KMT2A: variants seen among roughly 807,000 people sequenced by gnomAD.
KMT2A encodes the protein lysine methyltransferase 2A.
Under a neutral mutation model 345.3 loss-of-function variants are expected in KMT2A, and 16 were observed. The observed-to-expected ratio is 0.05, with a 90% CI of 0.03 to 0.07. The LOEUF is 0.07. Ranked by LOEUF, KMT2A falls within the 10% of genes least tolerant of loss-of-function variation. KMT2A has a pLI of 1.00. For missense variants in KMT2A, 3,272 were observed against 4,841.6 expected (o/e 0.68, Z 9.62); for synonymous variants, 1,599 against 1,778.6 (o/e 0.90, Z 2.54).
Position 118,525,558 on chromosome 11 carries a change from G to A in KMT2A, c.*3386G>A, listed in dbSNP as rs781944045. The A allele has an allele frequency of 2.3e-5, 5 of 221,650 alleles. No individual in the cohort carries two copies. Among genetic ancestry groups the A allele is most frequent in the Non-Finnish European group, 2.7e-5 (3 of 111,720 alleles). The allele number at this position is 221,650 out of a possible 1,614,324, so 13.7% of individuals were successfully genotyped here. On this transcript the variant is annotated 3_prime_UTR_variant, in exon 36 of 36. Transcript: ENST00000534358. ...CCCTGCTCGCCTCCGTCAAACCCCC[G>A]GCCAATGCAGTGAGCACCATGTAGC...
rs1245434285 is a variant in KMT2A, at chr11:118,481,723, AAGAAAG to A, written c.3649_3654del (p.Glu1217_Lys1218del). On this transcript the variant is annotated inframe_deletion, in exon 7 of 36. Coordinates refer to ENST00000534358, the MANE Select transcript of KMT2A (RefSeq NM_001197104.2). ...TTGTGTTTTTCCCTCAGCTGTGAAA[AAGAAAG>A]AGAAAAAGTCTAAGACCAGTGAAAA... The A allele has an allele frequency of 9.3e-6, 15 of 1,607,236 alleles. No homozygotes were observed. The highest frequency in any genetic ancestry group is 1.2e-5 in the Non-Finnish European group (14 of 1,177,636).
rs192081955 is a variant in KMT2A at position 118,488,862 on chromosome 11, G to T, written c.4479+102G>T. ...GGATTGAATGTATCTGGGAAAAAAT[G>T]AGTAGTTGCCTCTGTACTCTATGTG... On this transcript the variant is annotated intron_variant, in intron 11 of 35. Transcript: ENST00000534358. 5 of 1,026,762 alleles carry T rather than the reference G, an allele frequency of 4.9e-6. No homozygotes were observed. In the African/African-American group the frequency reaches 6.4e-5, roughly 13 times the overall value. 63.6% of individuals were successfully genotyped at this position (1,026,762 alleles called of 1,614,324 possible). A position where few individuals can be genotyped will look rare whatever the true frequency, so the allele number is the denominator to read the frequency against.
intron 2 of KMT2A, 142 bp downstream of exon 2, chr11:118,468,986 A>G: frequency 2.0e-6 from 1 of 489,282 alleles, no homozygotes; most frequent in East Asian, 3.4e-5. Context: ...CTTTTTATTT[A>G]TTTATTTATT....
Position 118,521,500 on chromosome 11 carries a change from T to C in KMT2A, c.11643+83T>C. 1 of 1,476,732 alleles carries C rather than the reference T, an allele frequency of 6.8e-7. No homozygotes were observed. The highest frequency in any genetic ancestry group is 9.2e-7 in the Non-Finnish European group (1 of 1,081,972). 91.5% of individuals were successfully genotyped at this position (1,476,732 alleles called of 1,614,324 possible). On this transcript the variant is annotated intron_variant, in intron 35 of 35. Transcript: ENST00000534358. This position sits in a 1 kb window ranked among gnomAD's most constrained non-coding sequence, Gnocchi z 5.3. ...TATGACCCCTGGATCACAAAAGAAATAGTGTATGTTATCAATTCAGAGACC... is the reference window on the plus strand; with the variant it reads ...TATGACCCCTGGATCACAAAAGAAACAGTGTATGTTATCAATTCAGAGACC...
rs78558747 is a variant in KMT2A at position 118,494,077 on chromosome 11, A to G, written c.5179-211A>G. Among the ~76,000 whole-genome samples, 195 of 152,314 alleles carry G rather than the reference A, an allele frequency of 1.3e-3. No individual in the cohort carries two copies. Among genetic ancestry groups the G allele is most frequent in the Middle Eastern group, 3.4e-3 (1 of 294 alleles). On this transcript the variant is annotated intron_variant, in intron 16 of 35. Transcript: ENST00000534358. The surrounding 1 kb of genome is among the most constrained non-coding windows in gnomAD (Gnocchi z 5.8). ...ATCATGATACAGCCAATTTGTTTGCATTCTTACCTCATTAGCCTGGCATCT... is the reference window on the plus strand; with the variant it reads ...ATCATGATACAGCCAATTTGTTTGCGTTCTTACCTCATTAGCCTGGCATCT...
rs149351885 is a variant in KMT2A at position 118,501,710 on chromosome 11, A to C, written c.6358A>C (p.Ile2120Leu). ...AGAGAGTCAAAACACAGCTGAAATT[A>C]TAAGTCCTCCATCACCAGACCGACC... ...SKESQNTAEI[I>L]SPPSPDRPPH... The change falls in exon 26 of 36, where the codon ATA becomes CTA. Residue 2120 changes from isoleucine to leucine, a missense_variant. Ile to Leu is a conservative substitution (Grantham distance 5). This residue lies in a region of KMT2A where 66 missense variants were observed against 73.9 expected (regional missense o/e 0.89). Transcript: ENST00000534358. The C allele has an allele frequency of 6.2e-7, 1 of 1,613,842 alleles. No individual in the cohort carries two copies. The highest frequency in any genetic ancestry group is 1.3e-5 in the African/African-American group (1 of 74,902).
In KMT2A at chr11:118,451,447, G is replaced by A. The variant is rs1357508228; in HGVS notation, c.432+14503G>A. On this transcript the variant is annotated intron_variant, in intron 1 of 35. Transcript: ENST00000534358. The stretch of plus-strand genomic sequence containing the variant: ...CTGTCACCCAGGCTGGAGTGCAGTG[G>A]CGCAATTTCGGCTCATTGCAACCTC... Among the ~76,000 whole-genome samples the A allele has an allele frequency of 5.9e-5, 9 of 152,160 alleles. No homozygotes were observed. In the South Asian group the frequency reaches 1.9e-3, roughly 32 times the overall value.
At position 118,505,382 on chromosome 11, in the gene KMT2A, C is replaced by T; in HGVS notation, c.9490C>T (p.His3164Tyr). 1.9e-6 allele frequency: 3 copies of T among 1,614,186 alleles called. No individual in the cohort carries two copies. Among genetic ancestry groups the T allele is most frequent in the Non-Finnish European group, 2.5e-6 (3 of 1,180,030 alleles). ...KGLLPMSHHQHLHSFPAATQS... is the reference protein window; with the variant it reads ...KGLLPMSHHQYLHSFPAATQS... The stretch of plus-strand genomic sequence containing the variant: ...ATTGCTACCCATGTCTCATCACCAG[C>T]ACTTACATTCCTTCCCTGCAGCTAC... Residue 3164 changes from histidine (H) to tyrosine (Y), a missense_variant, in exon 27 of 36, where the codon CAC becomes TAC. His to Tyr is a moderately conservative substitution (Grantham distance 83). Around this residue, in one of 27 missense-constraint regions of KMT2A, gnomAD observed 748 missense variants for 922.2 expected, o/e 0.81. Coordinates refer to ENST00000534358, the MANE Select transcript of KMT2A (RefSeq NM_001197104.2). The surrounding 1 kb of genome is among the most constrained non-coding windows in gnomAD (Gnocchi z 4.6).
rs1304426857 is a variant in KMT2A at position 118,484,360 on chromosome 11, TTAAA to T, written c.4218+51_4218+54del. On this transcript the variant is annotated intron_variant, in intron 9 of 35. Transcript: ENST00000534358. The surrounding 1 kb of genome is among the most constrained non-coding windows in gnomAD (Gnocchi z 4.1). ...TAAAGTATATTGAGTGTCAAAGACT[TTAAA>T]TAAAGAAAATGCTACTACCAAAGGT... 2.5e-6 allele frequency: 4 copies of T among 1,593,552 alleles called. No individual in the cohort carries two copies. The highest frequency in any genetic ancestry group is 1.7e-5 in the Admixed American group (1 of 57,342).
At chr11:118,513,653 A>G (rs1950737621) in intron 31 of KMT2A, among the ~76,000 whole-genome samples, 1 of 152,100 alleles carries the variant, frequency 6.6e-6, no homozygotes, top group African/African-American at 2.4e-5. Flanking sequence ...ATGAAAGGGT[A>G]CTCAATCTCA....
At position 118,442,460 on chromosome 11, in the gene KMT2A, A is replaced by T. The variant is rs537090552; in HGVS notation, c.432+5516A>T. Among the ~76,000 whole-genome samples the T allele has an allele frequency of 2.6e-5, 4 of 152,300 alleles. No homozygotes were observed. The South Asian group carries it at 8.3e-4, about 32-fold the overall frequency. On this transcript the variant is annotated intron_variant, in intron 1 of 35. Transcript: ENST00000534358. ...TCACTGTTACAAAGTATTTCCTTGGATCTTATCTAGACTGGTTTATGAAAC... is the reference window on the plus strand; with the variant it reads ...TCACTGTTACAAAGTATTTCCTTGGTTCTTATCTAGACTGGTTTATGAAAC...
intron 1 of KMT2A, among the ~76,000 whole-genome samples, chr11:118,467,247 A>T (rs971809204): frequency 4.3e-4 from 66 of 151,894 alleles, no homozygotes; most frequent in Admixed American, 1.0e-3. Flanking sequence ...CATGGTGACA[A>T]GGGCCTCTAG....
chr11:118,499,067 T>C (rs1950456662), intron 22 of KMT2A, among the ~76,000 whole-genome samples: 1 of 152,238 alleles, frequency 6.6e-6, no homozygotes, highest in Non-Finnish European at 1.5e-5. Context: ...CTTTTTGAAT[T>C]ATTTCGAAAT....
chr11:118,488,667 G>A lies in KMT2A; in HGVS notation c.4386G>A (p.Glu1462=). Residue 1462 remains glutamate, a synonymous_variant, in exon 11 of 36, where the codon GAG becomes GAA. Transcript: ENST00000534358. The part of the protein sequence containing the change: ...CEPFHKFCLE[E]NERPLEDQLE... ...CCTTCCACAAGTTTTGTTTAGAGGAGAACGAGCGCCCTCTGGAGGACCAGC... is the reference window on the plus strand; with the variant it reads ...CCTTCCACAAGTTTTGTTTAGAGGAAAACGAGCGCCCTCTGGAGGACCAGC... 1 of 1,614,178 alleles carries A rather than the reference G, an allele frequency of 6.2e-7. No homozygotes were observed. The highest frequency in any genetic ancestry group is 8.5e-7 in the Non-Finnish European group (1 of 1,180,020).
intron 1 of KMT2A, among the ~76,000 whole-genome samples, chr11:118,447,124 A>G (rs1207085359): frequency 6.6e-6 from 1 of 152,200 alleles, no homozygotes; most frequent in Non-Finnish European, 1.5e-5. Context: ...TTGTACTGCT[A>G]GTTGAAACTG....
At position 118,490,901 on chromosome 11, in the gene KMT2A, C is replaced by T. The variant is rs1413388642; in HGVS notation, c.4697-295C>T. On this transcript the variant is annotated intron_variant, in intron 13 of 35. Coordinates refer to ENST00000534358, the MANE Select transcript of KMT2A (RefSeq NM_001197104.2). This position sits in a 1 kb window ranked among gnomAD's most constrained non-coding sequence, Gnocchi z 4.2. ...TTTCTTACAAATGTGTGAGAAACTT[C>T]TCTCTTCCATTCTTTTCTATTGTTT... Among the ~76,000 whole-genome samples, 1 of 152,194 alleles carries T rather than the reference C, an allele frequency of 6.6e-6. No individual in the cohort carries two copies. The highest frequency in any genetic ancestry group is 1.5e-5 in the Non-Finnish European group (1 of 68,022).
At chr11:118,517,145 C>G (rs1950832949) in intron 31 of KMT2A, among the ~76,000 whole-genome samples, 1 of 151,394 alleles carries the variant, frequency 6.6e-6, no homozygotes, top group Non-Finnish European at 1.5e-5. Flanking sequence ...CCTGTAATCC[C>G]ATCACTTTGG....
rs1591355892 is a variant in KMT2A, at chr11:118,454,173, C to G, written c.433-14602C>G. 3.9e-5 allele frequency among the ~76,000 whole-genome samples: 6 copies of G among 152,256 alleles called. 1 individual carries two copies. The South Asian group carries it at 1.2e-3, about 32-fold the overall frequency. Reference sequence around the variant, plus strand: ...TTGTTTCTCACATAGCAACAGTAAACTCTGGTATCAAATCCTATTCCTTCA... The same window carrying G: ...TTGTTTCTCACATAGCAACAGTAAAGTCTGGTATCAAATCCTATTCCTTCA... On this transcript the variant is annotated intron_variant, in intron 1 of 35. Coordinates refer to ENST00000534358, the MANE Select transcript of KMT2A (RefSeq NM_001197104.2).
chr11:118,471,822 G>A lies in KMT2A; in HGVS notation c.663G>A (p.Lys221=). 1.2e-6 allele frequency: 2 copies of A among 1,613,042 alleles called. No homozygotes were observed. Among genetic ancestry groups the A allele is most frequent in the Non-Finnish European group, 1.7e-6 (2 of 1,179,658 alleles). The stretch of plus-strand genomic sequence containing the variant: ...AAGATTCTAAAAGTATAGAAAAGAA[G>A]AGAGGAAGACCTCCCACCTTCCCTG... ...KKKDSKSIEK[K]RGRPPTFPGV... Residue 221 remains lysine (K), a synonymous_variant, in exon 3 of 36, where the codon AAG becomes AAA. Coordinates refer to ENST00000534358, the MANE Select transcript of KMT2A (RefSeq NM_001197104.2).
Sources: allele counts gnomAD v4.1 joint callset (sites outside exome capture counted in the v4.1 genomes callset), GRCh38; gene constraint gnomAD v4.1.1; regional missense constraint gnomAD v4.1.1; non-coding constraint Gnocchi (gnomAD v3.1); transcripts MANE v1.5; gene names NCBI Gene and HGNC (gene_info 2026-07-23, HGNC 2026-07-21).